TRDN: variants seen among roughly 807,000 people sequenced by gnomAD.
TRDN encodes triadin.
In TRDN, 161 loss-of-function variants were observed where a neutral mutation model predicts 149.7. That is an observed-to-expected ratio of 1.08 (90% CI 0.95 to 1.23). The LOEUF is 1.23. TRDN is among the 50% of genes most tolerant of loss of function. TRDN has a pLI of 0.00. For missense variants in TRDN, 896 were observed against 823.5 expected, an observed-to-expected ratio of 1.09 and a Z score of -1.08; for synonymous variants, 294 against 250.5, an observed-to-expected ratio of 1.17 and a Z score of -1.64.
At chr6:123,526,020 G>T (rs943900362) in intron 5 of TRDN, among the ~76,000 whole-genome samples, 1 of 151,974 alleles carries the variant, frequency 6.6e-6, no homozygotes, top group Non-Finnish European at 1.5e-5. Context: ...TTATTCAGGT[G>T]GGCCCAGTTT....
chr6:123,453,218 C>A (rs180818335), intron 10 of TRDN, among the ~76,000 whole-genome samples: 1 of 152,052 alleles, frequency 6.6e-6, no homozygotes, highest in African/African-American at 2.4e-5. Context: ...TGACCAATAA[C>A]CCAAAAGCAA....
At chr6:123,513,565 C>CAG (rs971010807) in intron 6 of TRDN, among the ~76,000 whole-genome samples, 6 of 151,872 alleles carry the variant, frequency 4.0e-5, no homozygotes, top group Non-Finnish European at 5.9e-5. Flanking sequence ...AACCCAATAT[C>CAG]AGACAAGAAA....
intron 24 of TRDN, among the ~76,000 whole-genome samples, chr6:123,295,520 T>C (rs975566001): frequency 6.6e-6 from 1 of 152,208 alleles, no homozygotes; most frequent in East Asian, 1.9e-4. Flanking sequence ...TTATATATTT[T>C]AAAATTGCCA....
At chr6:123,273,894 C>T (rs1268247144) in intron 27 of TRDN, among the ~76,000 whole-genome samples, 3 of 152,000 alleles carry the variant, frequency 2.0e-5, no homozygotes, top group Non-Finnish European at 4.4e-5. Context: ...ATGACTTAAA[C>T]ACTAAAAAAC....
intron 14 of TRDN, among the ~76,000 whole-genome samples, chr6:123,386,950 C>T (rs958847537): frequency 6.6e-6 from 1 of 152,132 alleles, no homozygotes; most frequent in East Asian, 1.9e-4. Context: ...TTGGTCATGA[C>T]CTTGCCTTGA....
At chr6:123,258,534 T>TGCCAGTGTTTTATTGAGGATTTTCGCATC (rs1374122837) in intron 35 of TRDN, among the ~76,000 whole-genome samples, 5 of 152,296 alleles carry the variant, frequency 3.3e-5, no homozygotes, top group African/African-American at 1.2e-4. Context: ...GGATTCGGAT[T>TGCCAGTGTTTTATTGAGGATTTTCGCATC]GCCAGTGTTT....
chr6:123,383,630 G>A (rs937721117), intron 14 of TRDN, among the ~76,000 whole-genome samples: 4 of 151,990 alleles, frequency 2.6e-5, no homozygotes, highest in Admixed American at 1.3e-4. Context: ...ATGCCACAAT[G>A]TGGAAAATAT....
intron 14 of TRDN, 89 bp from the exon 15 acceptor site, chr6:123,382,236 TAAAA>T: frequency 4.9e-6 from 4 of 821,656 alleles, no homozygotes; most frequent in Non-Finnish European, 7.2e-6. Context: ...AACAATCAAA[TAAAA>T]TTGATTATTC....
chr6:123,580,979 T>C (rs1386163272), intron 1 of TRDN, among the ~76,000 whole-genome samples: 2 of 152,220 alleles, frequency 1.3e-5, no homozygotes, highest in African/African-American at 4.8e-5. Flanking sequence ...CTGTATTGCC[T>C]AGGCTGGTCT....
intron 8 of TRDN, chr6:123,503,014 A>C (rs1778765498): frequency 1.0e-6 from 1 of 985,176 alleles, no homozygotes; most frequent in Admixed American, 6.2e-5. Flanking sequence ...CCTTCCATAA[A>C]ATAAAAATTC....
chr6:123,406,411 C>A (rs1214788172), intron 12 of TRDN, among the ~76,000 whole-genome samples: 1 of 152,110 alleles, frequency 6.6e-6, no homozygotes, highest in Non-Finnish European at 1.5e-5. Flanking sequence ...TAGGCCTGGA[C>A]TAAACTGCAA....
chr6:123,298,563 T>A (rs1778290535), intron 24 of TRDN, among the ~76,000 whole-genome samples: 1 of 152,064 alleles, frequency 6.6e-6, no homozygotes, highest in South Asian at 2.1e-4. Flanking sequence ...AGTAAGAAAT[T>A]CACTAGGCAA....
chr6:123,295,711 C>T (rs1778167388), intron 24 of TRDN, among the ~76,000 whole-genome samples: 1 of 152,008 alleles, frequency 6.6e-6, no homozygotes, highest in Admixed American at 6.6e-5. Context: ...TGCCTGTAAT[C>T]CCAGCACTTT....
intron 23 of TRDN, among the ~76,000 whole-genome samples, chr6:123,319,389 T>C (rs550426320): frequency 1.3e-5 from 2 of 152,118 alleles, no homozygotes; most frequent in East Asian, 3.9e-4. Context: ...CTACTGACAG[T>C]AAAGTATTTT....
chr6:123,529,172 G>T (rs1780092820), intron 5 of TRDN: 1 of 1,543,334 alleles, frequency 6.5e-7, no homozygotes, highest in Non-Finnish European at 8.8e-7. Context: ...GAAAAAAACA[G>T]CAGGGACCCA....
chr6:123,603,544 A>C (rs1342360556), intron 1 of TRDN, among the ~76,000 whole-genome samples: 1 of 152,080 alleles, frequency 6.6e-6, no homozygotes, highest in Non-Finnish European at 1.5e-5. Context: ...TCCAACATTC[A>C]TGCATTTATT....
intron 24 of TRDN, among the ~76,000 whole-genome samples, chr6:123,296,440 G>C (rs567516026): frequency 6.6e-6 from 1 of 152,190 alleles, no homozygotes; most frequent in South Asian, 2.1e-4. Flanking sequence ...ACTTTAATGG[G>C]ATGCTTCAAT....
intron 1 of TRDN, among the ~76,000 whole-genome samples, chr6:123,589,154 TTG>T (rs1247818226): frequency 6.6e-6 from 1 of 152,160 alleles, no homozygotes; most frequent in African/African-American, 2.4e-5. Context: ...TTGCCCAACT[TTG>T]TGAATTAGAA....
intron 1 of TRDN, among the ~76,000 whole-genome samples, chr6:123,587,091 G>A (rs1265333334): frequency 1.3e-5 from 2 of 152,054 alleles, no homozygotes; most frequent in African/African-American, 4.8e-5. Flanking sequence ...CCCCAGAAAG[G>A]TGGAAAAGAG....
Sources: gnomAD v4.1 joint callset for allele counts (sites outside exome capture counted in the v4.1 genomes callset) on GRCh38, gnomAD v4.1.1 for gene constraint, MANE v1.5 for transcripts, NCBI Gene and HGNC (gene_info 2026-07-23, HGNC 2026-07-21) for gene names.